The following ROBO2 variants were observed in gnomAD, a reference collection of about 807,000 sequenced individuals.
ROBO2 encodes roundabout guidance receptor 2.
In ROBO2, 53 loss-of-function variants were observed where a neutral mutation model predicts 160.8. That is an observed-to-expected ratio of 0.33 (90% CI 0.26 to 0.41). The LOEUF (loss-of-function observed/expected upper bound fraction) is 0.41, where lower values mean the gene tolerates loss of function less well. Ranked by LOEUF, ROBO2 falls within the 10% of genes least tolerant of loss-of-function variation. ROBO2 has a pLI of 1.00. For missense variants in ROBO2, 1,577 were observed against 1,722.4 expected (o/e 0.92, Z 1.49); for synonymous variants, 664 against 611.7 (o/e 1.09, Z -1.26).
rs371962641 is a variant in ROBO2, at chr3:76,435,146, T to C, written c.109+497544T>C. 5.8e-5 allele frequency: 58 copies of C among 1,004,254 alleles called. 3 individuals carry two copies. The highest frequency in any genetic ancestry group is 3.8e-4 in the East Asian group (16 of 42,168). The allele number at this position is 1,004,254 out of a possible 1,614,324, so 62.2% of individuals were successfully genotyped here. On this transcript the variant is annotated intron_variant, in intron 2 of 26. Coordinates refer to the ROBO2 transcript ENST00000487694. ...ACTGTAAGAAGCTTGGTCTGGTATT[T>C]GATGACATGGTGGGCATTGTGGAGA...
upstream of ROBO2, among the ~76,000 whole-genome samples, chr3:77,037,188 A>T (rs2063688731): frequency 6.6e-6 from 1 of 152,158 alleles, no homozygotes; most frequent in African/African-American, 2.4e-5. Context: ...ATTTGGGATG[A>T]GATTGTTATA....
At chr3:77,626,220 T>A (rs1235378210) in intron 23 of ROBO2, among the ~76,000 whole-genome samples, 2 of 152,212 alleles carry the variant, frequency 1.3e-5, no homozygotes, top group Non-Finnish European at 1.5e-5. Context: ...ATTTTCTCTC[T>A]CGAAACATTA....
At chr3:77,144,572 G>T (rs1218221838) in intron 2 of ROBO2, among the ~76,000 whole-genome samples, 3 of 151,974 alleles carry the variant, frequency 2.0e-5, no homozygotes, top group African/African-American at 7.2e-5. Context: ...TGTTTGAAAA[G>T]AAAAAAGATT....
intron 2 of ROBO2, among the ~76,000 whole-genome samples, chr3:77,234,392 A>G (rs1019296106): frequency 1.3e-5 from 2 of 152,160 alleles, no homozygotes; most frequent in Non-Finnish European, 2.9e-5. Context: ...TCATGCCTGG[A>G]TGTCTTTTAC....
intron 2 of ROBO2, among the ~76,000 whole-genome samples, chr3:77,294,843 C>A (rs566293216): frequency 4.8e-5 from 7 of 146,682 alleles, no homozygotes; most frequent in African/African-American, 1.8e-4. Flanking sequence ...AATGGTTAAA[C>A]GGGAAGTTGA....
chr3:76,278,761 G>A (rs958459335), intron 2 of ROBO2, among the ~76,000 whole-genome samples: 1 of 151,892 alleles, frequency 6.6e-6, no homozygotes, highest in African/African-American at 2.4e-5. Flanking sequence ...ATCTTTAGGG[G>A]GAATAGAGAA....
Position 75,921,343 on chromosome 3 carries a change from A to G in ROBO2, c.-14+14383A>G, listed in dbSNP as rs532345905. ...GTATGTACATCATGAAAACAAGTGC[A>G]TGTGATATACATACACACACACACA... On this transcript the variant is annotated intron_variant, in intron 1 of 26. Transcript: ENST00000487694. Among the ~76,000 whole-genome samples, 5 of 140,850 alleles carry G rather than the reference A, an allele frequency of 3.5e-5. No homozygotes were observed. The East Asian group carries it at 1.3e-3, about 38-fold the overall frequency. The allele number at this position is 140,850 out of a possible 152,430, so 92.4% of individuals were successfully genotyped here.
intron 2 of ROBO2, among the ~76,000 whole-genome samples, chr3:76,917,476 T>C (rs1288757416): frequency 6.6e-6 from 1 of 152,126 alleles, no homozygotes; most frequent in Non-Finnish European, 1.5e-5. Flanking sequence ...AAGAAAACTA[T>C]TCAGTGGAAT....
At chr3:77,254,588 G>A (rs1477180649) in intron 2 of ROBO2, among the ~76,000 whole-genome samples, 1 of 152,098 alleles carries the variant, frequency 6.6e-6, no homozygotes, top group Non-Finnish European at 1.5e-5. Context: ...AACTATTAGA[G>A]AGGTGGAGAA....
At chr3:77,290,094 C>T (rs564813316) in intron 2 of ROBO2, among the ~76,000 whole-genome samples, 64 of 149,488 alleles carry the variant, frequency 4.3e-4, no homozygotes, top group African/African-American at 1.4e-3. Flanking sequence ...GACGGTTAAA[C>T]GGATAAGCTG....
intron 2 of ROBO2, among the ~76,000 whole-genome samples, chr3:76,836,145 G>A (rs1421273139): frequency 6.6e-6 from 1 of 151,976 alleles, no homozygotes. Flanking sequence ...TTAATTTGAA[G>A]CTGTTATTAA....
chr3:76,602,499 T>A (rs141670907), intron 2 of ROBO2, among the ~76,000 whole-genome samples: 1 of 152,196 alleles, frequency 6.6e-6, no homozygotes, highest in Non-Finnish European at 1.5e-5. Context: ...CTCACAATCA[T>A]GGTGGAAGGT....
intron 2 of ROBO2, among the ~76,000 whole-genome samples, chr3:76,491,670 A>G (rs2107527725): frequency 6.6e-6 from 1 of 152,348 alleles, no homozygotes; most frequent in African/African-American, 2.4e-5. Context: ...AAGAAAATGC[A>G]TTCATTACAG....
intron 2 of ROBO2, among the ~76,000 whole-genome samples, chr3:76,568,557 C>G (rs1422437028): frequency 6.6e-6 from 1 of 151,452 alleles, no homozygotes; most frequent in African/African-American, 2.4e-5. Flanking sequence ...CCACCCGCCT[C>G]GGCCTCCCAA....
intron 2 of ROBO2, among the ~76,000 whole-genome samples, chr3:76,560,696 C>T (rs576167615): frequency 6.7e-6 from 1 of 150,052 alleles, no homozygotes; most frequent in Non-Finnish European, 1.5e-5. Context: ...ACCCTTTTTC[C>T]CCCACATATT....
intron 2 of ROBO2, among the ~76,000 whole-genome samples, chr3:76,442,547 C>G (rs1044476501): frequency 2.6e-5 from 4 of 152,138 alleles, no homozygotes; most frequent in African/African-American, 9.7e-5. Flanking sequence ...AGTGGTTCCC[C>G]TTTATTCACG....
Position 76,653,371 on chromosome 3 carries a change from C to T in ROBO2, c.110-444643C>T, listed in dbSNP as rs570239244. ...TTTTCTAAAGCATGCTCTGCTTATA[C>T]GTATAGTAAAATATATATAATATAT... On this transcript the variant is annotated intron_variant, in intron 2 of 26. Transcript: ENST00000487694. Among the ~76,000 whole-genome samples the T allele has an allele frequency of 1.3e-3, 201 of 150,298 alleles. 1 individual carries two copies. The highest frequency in any genetic ancestry group is 3.7e-3 in the African/African-American group (153 of 41,154).
chr3:76,707,251 CA>C (rs1184055449), intron 2 of ROBO2, among the ~76,000 whole-genome samples: 1 of 152,054 alleles, frequency 6.6e-6, no homozygotes, highest in African/African-American at 2.4e-5. Flanking sequence ...CACTAATCTA[CA>C]AAAATAATGT....
intron 2 of ROBO2, among the ~76,000 whole-genome samples, chr3:77,470,941 C>A (rs11921552): frequency 1.3e-5 from 2 of 152,136 alleles, no homozygotes; most frequent in East Asian, 1.9e-4. Flanking sequence ...GGGTCTCCTG[C>A]GGTTTTCAAC....
Sources: allele counts gnomAD v4.1 joint callset (sites outside exome capture counted in the v4.1 genomes callset), GRCh38; gene constraint gnomAD v4.1.1; transcripts MANE v1.5; gene names NCBI Gene and HGNC (gene_info 2026-07-23, HGNC 2026-07-21).